Variants in UGT2B7 observed in about 807,000 individuals in gnomAD.
UGT2B7 encodes the protein UDP glucuronosyltransferase family 2 member B7, also known as UDP-glucuronosyltransferase 2B7.
In UGT2B7, 51 loss-of-function variants were observed where a neutral mutation model predicts 51.9. The ratio of observed to expected loss-of-function variants is 0.98; its 90% CI spans 0.78 to 1.24. UGT2B7 has a LOEUF of 1.24. Ranked by LOEUF, UGT2B7 falls within the 50% of genes most tolerant of loss-of-function variation. UGT2B7 has a pLI of 0.00. For synonymous variants in UGT2B7, 225 were observed against 211.6 expected (o/e 1.06, Z -0.55); for missense variants, 727 against 628.4 (o/e 1.16, Z -1.68).
intron 2 of UGT2B7, among the ~76,000 whole-genome samples, chr4:69,099,099 A>C (rs1719342584): frequency 6.6e-6 from 1 of 151,984 alleles, no homozygotes; most frequent in Non-Finnish European, 1.5e-5. Flanking sequence ...AATATGTGCA[A>C]GTAATAAAAA....
chr4:69,093,872 G>A (rs114180170), upstream of UGT2B7, among the ~76,000 whole-genome samples: 1,271 of 152,220 alleles, frequency 8.3e-3, 12 homozygotes, highest in African/African-American at 0.029. Context: ...GTCCCAATGC[G>A]AGTGCCCGTA....
At chr4:69,080,534 C>T (rs992092766) in intron 1 of UGT2B7, among the ~76,000 whole-genome samples, 18 of 131,378 alleles carry the variant, frequency 1.4e-4, no homozygotes, top group Non-Finnish European at 2.0e-4. Flanking sequence ...GGCAACAGAG[C>T]AAGACTCCGT....
chr4:69,098,188 T>G (rs1719301750), intron 1 of UGT2B7, among the ~76,000 whole-genome samples: 1 of 151,886 alleles, frequency 6.6e-6, no homozygotes, highest in South Asian at 2.1e-4. Flanking sequence ...GCTCAAAGAG[T>G]TGTTTAAATG....
intron 1 of UGT2B7, among the ~76,000 whole-genome samples, chr4:69,064,112 A>AAGAGAGAGAGAGAAAGAAAGAAAG (rs754723956): frequency 3.5e-5 from 3 of 86,798 alleles, no homozygotes; most frequent in African/African-American, 6.1e-5. Flanking sequence ...GAAAGAAAGA[A>AAGAGAGAGAGAGAAAGAAAGAAAG]AAAGAAAGAA....
intron 1 of UGT2B7, among the ~76,000 whole-genome samples, chr4:69,061,531 G>T (rs902805659): frequency 6.6e-6 from 1 of 152,146 alleles, no homozygotes; most frequent in Non-Finnish European, 1.5e-5. Flanking sequence ...CCAAATAAAA[G>T]GGCTTGATTT....
At chr4:69,091,494 AT>A (rs1286308749), upstream of UGT2B7, among the ~76,000 whole-genome samples, 2 of 152,228 alleles carry the variant, frequency 1.3e-5, no homozygotes, top group African/African-American at 4.8e-5. Flanking sequence ...TGGATACATA[AT>A]TTTTTGATTG....
chr4:69,099,880 G>A (rs1719368818), intron 2 of UGT2B7, among the ~76,000 whole-genome samples: 1 of 151,990 alleles, frequency 6.6e-6, no homozygotes, highest in Non-Finnish European at 1.5e-5. Flanking sequence ...CAGATACCCT[G>A]TGGACTTGAT....
intron 1 of UGT2B7, among the ~76,000 whole-genome samples, chr4:69,055,365 C>T (rs1274589387): frequency 6.7e-6 from 1 of 149,420 alleles, no homozygotes; most frequent in Non-Finnish European, 1.5e-5. Context: ...AAAAGGTCAG[C>T]CCCTCCCCTC....
intron 1 of UGT2B7, among the ~76,000 whole-genome samples, chr4:69,068,774 A>T (rs898651382): frequency 5.3e-5 from 8 of 151,948 alleles, no homozygotes; most frequent in Admixed American, 5.3e-4. Context: ...ACAGTGCCAT[A>T]CTTTAGCACT....
At chr4:69,094,444 G>A (rs564372300), upstream of UGT2B7, among the ~76,000 whole-genome samples, 1 of 29,164 alleles carries the variant, frequency 3.4e-5, no homozygotes, top group Non-Finnish European at 5.2e-5. Flanking sequence ...CACCGCGCCC[G>A]GCCGGTTTCT....
rs866945327 is a variant in UGT2B7 at position 69,064,030 on chromosome 4, A to C, written c.-159+12428A>C. Among the ~76,000 whole-genome samples, 495 of 80,726 alleles carry C rather than the reference A, an allele frequency of 6.1e-3. 2 individuals are homozygous for C. The highest frequency in any genetic ancestry group is 0.031 in the African/African-American group (470 of 14,958). 53.0% of individuals were successfully genotyped at this position (80,726 alleles called of 152,430 possible). On this transcript the variant is annotated intron_variant, in intron 1 of 5. Coordinates refer to the UGT2B7 transcript ENST00000502942. ...GGGAAGATGAGATGGGAAAGAAAGA[A>C]AGAAAGAAAGAAAGAAAGAAAGAAA...
chr4:69,094,129 CTTTTTTTTTTTT>C (rs71204074), upstream of UGT2B7, among the ~76,000 whole-genome samples: 15 of 54,116 alleles, frequency 2.8e-4, 3 homozygotes, highest in African/African-American at 8.8e-4. Context: ...GTTTTGGTTT[CTTTTTTTTTTTT>C]TTTTTTTTTT....
chr4:69,074,016 T>C (rs1051299928), intron 1 of UGT2B7, among the ~76,000 whole-genome samples: 1 of 152,150 alleles, frequency 6.6e-6, no homozygotes, highest in African/African-American at 2.4e-5. Flanking sequence ...TTAGTGACTC[T>C]TCCATCTCTG....
intron 1 of UGT2B7, 138 bp downstream of exon 1, chr4:69,097,379 T>C (rs374500629): frequency 3.8e-6 from 4 of 1,062,722 alleles, no homozygotes; most frequent in South Asian, 3.4e-5. Context: ...AGATGATCTA[T>C]TAATCTCACA....
At chr4:69,072,586 C>A (rs1213624409) in intron 1 of UGT2B7, among the ~76,000 whole-genome samples, 1 of 152,084 alleles carries the variant, frequency 6.6e-6, no homozygotes, top group Non-Finnish European at 1.5e-5. Context: ...GAAGTATATT[C>A]TTTAATAGTC....
chr4:69,096,516 C>A lies in UGT2B7; in HGVS notation c.-5C>A. The A allele has an allele frequency of 1.2e-6, 2 of 1,613,782 alleles. No individual in the cohort carries two copies. The highest frequency in any genetic ancestry group is 1.7e-6 in the Non-Finnish European group (2 of 1,179,782). Reference sequence around the variant, plus strand: ...ACTGGAAAACAAGCATTGCATTGCACCAGGATGTCTGTGAAATGGACTTCA... The same window carrying A: ...ACTGGAAAACAAGCATTGCATTGCAACAGGATGTCTGTGAAATGGACTTCA... On this transcript the variant is annotated 5_prime_UTR_variant, in exon 1 of 6. Transcript: ENST00000305231.
At chr4:69,097,561 C>A (rs1351277821) in intron 1 of UGT2B7, among the ~76,000 whole-genome samples, 3 of 152,062 alleles carry the variant, frequency 2.0e-5, no homozygotes, top group East Asian at 3.9e-4. Context: ...TAAAATCCAT[C>A]AAATAACTTC....
intron 2 of UGT2B7, among the ~76,000 whole-genome samples, chr4:69,100,857 A>G (rs920345364): frequency 1.3e-5 from 2 of 152,150 alleles, no homozygotes; most frequent in Admixed American, 1.3e-4. Flanking sequence ...AAATTCTAAG[A>G]TAATTTCTTA....
chr4:69,104,129 T>C (rs1217312022), intron 3 of UGT2B7, among the ~76,000 whole-genome samples: 2 of 151,798 alleles, frequency 1.3e-5, no homozygotes, highest in African/African-American at 4.8e-5. Context: ...CTACTGAAAA[T>C]AGAAAAAATT....
Sources: allele counts gnomAD v4.1 joint callset (sites outside exome capture counted in the v4.1 genomes callset), GRCh38; gene constraint gnomAD v4.1.1; transcripts MANE v1.5; gene names NCBI Gene and HGNC (gene_info 2026-07-23, HGNC 2026-07-21).